LUZP2: variants seen among roughly 807,000 people sequenced by gnomAD.
LUZP2 encodes the protein leucine zipper protein 2.
LUZP2 carries 52 observed loss-of-function variants against 51.6 expected under a neutral mutation model. That is an observed-to-expected ratio of 1.01 (90% CI 0.81 to 1.27). The LOEUF (loss-of-function observed/expected upper bound fraction) is 1.27, where lower values mean the gene tolerates loss of function less well. Among genes scored for constraint, LUZP2 ranks in the 50% most tolerant of loss-of-function variants. The probability of loss-of-function intolerance (pLI) is 0.00; values close to 1 mark genes in which losing one functional copy is unlikely to be tolerated. For missense variants in LUZP2, 436 were observed against 395.4 expected (o/e 1.10, Z -0.87); for synonymous variants, 154 against 137.3 (o/e 1.12, Z -0.85).
At chr11:24,995,963 A>C (rs1277560339) in intron 9 of LUZP2, among the ~76,000 whole-genome samples, 14 of 151,434 alleles carry the variant, frequency 9.2e-5, no homozygotes, top group Non-Finnish European at 1.5e-5. Flanking sequence ...AATCCAGTAA[A>C]ATTTTTTGTA....
rs570680517 is a variant in LUZP2 at position 24,744,703 on chromosome 11, T to G, written c.333+6401T>G. Reference sequence around the variant, plus strand: ...GTATTGGTTGTTTTTTGTTTCAATTTCACTTAGTCCTGCTCTGATCTTGGT... The same window carrying G: ...GTATTGGTTGTTTTTTGTTTCAATTGCACTTAGTCCTGCTCTGATCTTGGT... On this transcript the variant is annotated intron_variant, in intron 4 of 11. Coordinates refer to ENST00000336930, the MANE Select transcript of LUZP2 (RefSeq NM_001009909.4). 6.6e-5 allele frequency among the ~76,000 whole-genome samples: 10 copies of G among 152,306 alleles called. No individual in the cohort carries two copies. The South Asian group carries it at 2.1e-3, about 32-fold the overall frequency.
chr11:24,828,922 GA>G (rs2134174210), intron 5 of LUZP2, among the ~76,000 whole-genome samples: 1 of 152,280 alleles, frequency 6.6e-6, no homozygotes, highest in African/African-American at 2.4e-5. Context: ...CTGCAGGTAG[GA>G]GAGGGACCAG....
At chr11:24,624,312 A>G (rs879389076) in intron 1 of LUZP2, among the ~76,000 whole-genome samples, 5 of 152,168 alleles carry the variant, frequency 3.3e-5, no homozygotes, top group Non-Finnish European at 5.9e-5. Context: ...TGCTGGTAAT[A>G]AAAATAATAA....
At chr11:24,645,965 A>G (rs527918228) in intron 1 of LUZP2, among the ~76,000 whole-genome samples, 2 of 152,204 alleles carry the variant, frequency 1.3e-5, no homozygotes, top group East Asian at 1.9e-4. Context: ...TCTTCTGAAC[A>G]ATGATAGAAA....
intron 1 of LUZP2, among the ~76,000 whole-genome samples, chr11:24,704,245 G>C (rs1230201227): frequency 6.6e-6 from 1 of 152,110 alleles, no homozygotes; most frequent in Admixed American, 6.6e-5. Flanking sequence ...TTTTGGACAA[G>C]CACAGAGTTA....
intron 1 of LUZP2, among the ~76,000 whole-genome samples, chr11:24,536,887 C>T (rs1851195093): frequency 6.6e-6 from 1 of 151,786 alleles, no homozygotes; most frequent in South Asian, 2.1e-4. Flanking sequence ...ATACATGGGA[C>T]AGTTCCTTTC....
At chr11:24,897,147 C>T (rs1473940199) in intron 5 of LUZP2, among the ~76,000 whole-genome samples, 1 of 151,176 alleles carries the variant, frequency 6.6e-6, no homozygotes, top group African/African-American at 2.4e-5. Context: ...CCAATCAGCA[C>T]TCTGTGTCTA....
intron 1 of LUZP2, among the ~76,000 whole-genome samples, chr11:24,525,589 G>T (rs184672676): frequency 6.6e-6 from 1 of 151,482 alleles, no homozygotes; most frequent in African/African-American, 2.4e-5. Context: ...TGGAATTTAG[G>T]TTGATGTTAG....
chr11:24,811,673 C>T (rs897969797), intron 5 of LUZP2, among the ~76,000 whole-genome samples: 1 of 152,034 alleles, frequency 6.6e-6, no homozygotes, highest in East Asian at 1.9e-4. Context: ...CACATTCTGT[C>T]TTTCTGGAAA....
In LUZP2 at chr11:24,735,661, A is replaced by C. The variant is rs1024861140; in HGVS notation, c.252-2560A>C. On this transcript the variant is annotated intron_variant, in intron 3 of 11. Coordinates refer to ENST00000336930, the MANE Select transcript of LUZP2 (RefSeq NM_001009909.4). ...AGGTGAGGGTGTTTTTATAGCTATA[A>C]TTTGGGATGAAAGAGGTGTGGAATA... is the stretch of plus-strand genomic sequence containing the variant. Among the ~76,000 whole-genome samples, 7 of 152,088 alleles carry C rather than the reference A, an allele frequency of 4.6e-5. No individual in the cohort carries two copies. The East Asian group carries it at 1.4e-3, about 30-fold the overall frequency.
At chr11:24,962,929 G>C (rs901203132) in intron 7 of LUZP2, among the ~76,000 whole-genome samples, 1 of 152,160 alleles carries the variant, frequency 6.6e-6, no homozygotes, top group Non-Finnish European at 1.5e-5. Flanking sequence ...GTGATGTACA[G>C]ATGGGTTTTT....
chr11:24,990,262 T>A (rs1273511884), intron 9 of LUZP2, among the ~76,000 whole-genome samples: 3 of 152,100 alleles, frequency 2.0e-5, no homozygotes, highest in African/African-American at 2.4e-5. Flanking sequence ...TTTCCAACTG[T>A]TTAAACATGC....
intron 7 of LUZP2, among the ~76,000 whole-genome samples, chr11:24,967,487 T>C (rs975734742): frequency 6.6e-6 from 1 of 151,978 alleles, no homozygotes; most frequent in Non-Finnish European, 1.5e-5. Context: ...TTTCATACTC[T>C]TTTCTTTCTA....
At chr11:24,895,589 C>A (rs1853015483) in intron 5 of LUZP2, among the ~76,000 whole-genome samples, 1 of 152,144 alleles carries the variant, frequency 6.6e-6, no homozygotes, top group Admixed American at 6.5e-5. Context: ...ATTTAGCTCC[C>A]ATTTATAAGT....
intron 1 of LUZP2, among the ~76,000 whole-genome samples, chr11:24,652,893 G>A (rs1565054607): frequency 1.6e-5 from 2 of 127,048 alleles, no homozygotes; most frequent in South Asian, 3.0e-4. Flanking sequence ...AAGCTAGTTG[G>A]TGGGAAAAGA....
intron 5 of LUZP2, among the ~76,000 whole-genome samples, chr11:24,784,003 C>T (rs764376787): frequency 2.0e-5 from 3 of 151,892 alleles, no homozygotes; most frequent in Admixed American, 6.6e-5. Context: ...GAAACTAGTG[C>T]CATTTGTGCA....
chr11:24,708,162 A>G (rs889572095), intron 1 of LUZP2, among the ~76,000 whole-genome samples: 1 of 152,180 alleles, frequency 6.6e-6, no homozygotes, highest in Non-Finnish European at 1.5e-5. Flanking sequence ...GTAGAAGGCA[A>G]AAAATTGAAA....
intron 8 of LUZP2, among the ~76,000 whole-genome samples, chr11:24,980,612 G>A (rs1279672026): frequency 6.6e-6 from 1 of 151,484 alleles, no homozygotes; most frequent in Non-Finnish European, 1.5e-5. Context: ...TGTTAAAAGT[G>A]AACATTAAAC....
intron 5 of LUZP2, among the ~76,000 whole-genome samples, chr11:24,777,738 T>C (rs1205638505): frequency 6.6e-6 from 1 of 152,158 alleles, no homozygotes; most frequent in Non-Finnish European, 1.5e-5. Flanking sequence ...CAGCAGTTAC[T>C]AGTCTTTGAT....
Sources: allele counts gnomAD v4.1 joint callset (sites outside exome capture counted in the v4.1 genomes callset), GRCh38; gene constraint gnomAD v4.1.1; transcripts MANE v1.5; gene names NCBI Gene and HGNC (gene_info 2026-07-23, HGNC 2026-07-21).